The following KIF5C variants were observed in gnomAD, a reference collection of about 807,000 sequenced individuals.
The protein encoded by KIF5C is kinesin family member 5C, also known as kinesin heavy chain isoform 5C.
Under a neutral mutation model 125.2 loss-of-function variants are expected in KIF5C, and 18 were observed. The ratio of observed to expected loss-of-function variants is 0.14; its 90% CI spans 0.10 to 0.21. KIF5C has a LOEUF of 0.21. Ranked by LOEUF, KIF5C falls within the 10% of genes least tolerant of loss-of-function variation. The pLI is 1.00. For synonymous variants in KIF5C, 405 were observed against 434.0 expected (o/e 0.93, Z 0.83); for missense variants, 780 against 1,183.8 (o/e 0.66, Z 5.01).
At chr2:148,966,486 G>T (rs1683054327) in intron 11 of KIF5C, among the ~76,000 whole-genome samples, 2 of 152,066 alleles carry the variant, frequency 1.3e-5, no homozygotes, top group African/African-American at 4.8e-5. Flanking sequence ...CTGAAAAGAG[G>T]TAAGTTTGAT....
intron 1 of KIF5C, among the ~76,000 whole-genome samples, chr2:148,911,826 CA>C (rs1681349688): frequency 6.6e-6 from 1 of 152,086 alleles, no homozygotes; most frequent in Admixed American, 6.5e-5. Flanking sequence ...GATTGCTGGG[CA>C]AAAGCTGCTT....
chr2:148,925,501 G>A (rs1681954563), intron 2 of KIF5C, among the ~76,000 whole-genome samples: 1 of 152,178 alleles, frequency 6.6e-6, no homozygotes, highest in African/African-American at 2.4e-5. Context: ...TCTGAAGGGT[G>A]AGCATTATTT....
intron 17 of KIF5C, among the ~76,000 whole-genome samples, chr2:148,995,420 G>C (rs995086147): frequency 4.6e-5 from 7 of 152,214 alleles, no homozygotes; most frequent in Non-Finnish European, 8.8e-5. Context: ...TGAGCTTAGG[G>C]AAGTGCCTCG....
chr2:148,942,725 A>G lies in KIF5C; in HGVS notation c.554A>G (p.Asp185Gly). The change falls in exon 7 of 26, where the codon GAT becomes GGT. Residue 185 changes from aspartate (D) to glycine (G), a missense_variant. Physicochemically the swap from Asp to Gly is moderately conservative, Grantham distance 94 (BLOSUM62 -1). This residue lies in a region of KIF5C where 207 missense variants were observed against 441.2 expected (regional missense o/e 0.47). Transcript: ENST00000435030. ...SSPEEVMDVI[D>G]EGKANRHVAV... ...CCTGAGGAAGTCATGGATGTAATAG[A>G]TGAAGGCAAAGCAAACCGACACGTG... 1 of 1,611,492 alleles carries G rather than the reference A, an allele frequency of 6.2e-7. No individual in the cohort carries two copies. Among genetic ancestry groups the G allele is most frequent in the Non-Finnish European group, 8.5e-7 (1 of 1,179,070 alleles).
intron 13 of KIF5C, among the ~76,000 whole-genome samples, chr2:148,980,718 A>AT (rs1553468813): frequency 1.5e-5 from 2 of 137,126 alleles, no homozygotes; most frequent in African/African-American, 2.7e-5. Flanking sequence ...TTATTTATTT[A>AT]TTATTTAGAC....
intron 1 of KIF5C, among the ~76,000 whole-genome samples, chr2:148,917,412 G>C (rs548962657): frequency 2.6e-5 from 4 of 152,240 alleles, no homozygotes; most frequent in Non-Finnish European, 5.9e-5. Flanking sequence ...CTTGAAGTAA[G>C]GGCCTGGCAG....
Position 149,011,582 on chromosome 2 carries a change from G to A in KIF5C, c.2780G>A (p.Arg927His), listed in dbSNP as rs772057456. The stretch of plus-strand genomic sequence containing the variant: ...TGGTTGGATACAGCCAAGCCCATCC[G>A]CCCCGGACACTACCCGGCCTCATCT... ...AHSAQIAKPIRPGHYPASSPT... is the reference protein window; with the variant it reads ...AHSAQIAKPIHPGHYPASSPT... The change falls in exon 25 of 26, where the codon CGC becomes CAC. Residue 927 changes from arginine (R) to histidine (H), a missense_variant. Arg to His is a conservative substitution (Grantham distance 29, BLOSUM62 0). Coordinates refer to ENST00000435030, the MANE Select transcript of KIF5C (RefSeq NM_004522.3). 5.6e-6 allele frequency: 9 copies of A among 1,613,892 alleles called. No individual in the cohort carries two copies. The highest frequency in any genetic ancestry group is 1.3e-5 in the African/African-American group (1 of 74,916).
At chr2:148,910,696 C>T (rs944916868) in intron 1 of KIF5C, among the ~76,000 whole-genome samples, 8 of 152,122 alleles carry the variant, frequency 5.3e-5, no homozygotes, top group Non-Finnish European at 1.0e-4. Context: ...GATCATATAC[C>T]ATAGAGCATC....
At chr2:148,994,332 C>G in intron 16 of KIF5C, 89 bp from the exon 17 acceptor site, 1 of 1,492,896 alleles carries the variant, frequency 6.7e-7, no homozygotes, top group Non-Finnish European at 9.0e-7. Context: ...AGGAACCCCT[C>G]CTCTCTCGCA....
intron 1 of KIF5C, among the ~76,000 whole-genome samples, chr2:148,905,428 G>A (rs1034599271): frequency 3.9e-5 from 6 of 152,168 alleles, no homozygotes; most frequent in African/African-American, 1.2e-4. Flanking sequence ...GGGTGATAAA[G>A]GGATGGCAAA....
chr2:148,875,709 C>T lies in KIF5C; in HGVS notation c.92C>T (p.Pro31Leu), dbSNP rs747945685. 11 of 1,602,652 alleles carry T rather than the reference C, an allele frequency of 6.9e-6. No homozygotes were observed. Among genetic ancestry groups the T allele is most frequent in the Admixed American group, 1.7e-5 (1 of 58,532 alleles). The stretch of plus-strand genomic sequence containing the variant: ...ATCCTCCGCGGGGACAAATTCATCC[C>T]CAAATTTAAAGGCGATGAGACCGTG... ...AEILRGDKFIPKFKGDETVVI... is the reference protein window; with the variant it reads ...AEILRGDKFILKFKGDETVVI... The change falls in exon 1 of 26, where the codon CCC becomes CTC. Residue 31 changes from proline to leucine, a missense_variant. By Grantham distance (98) the Pro-to-Leu change is moderately conservative. Transcript: ENST00000435030.
chr2:149,002,866 T>A (rs1444016375), intron 21 of KIF5C, among the ~76,000 whole-genome samples: 1 of 152,230 alleles, frequency 6.6e-6, no homozygotes, highest in African/African-American at 2.4e-5. Flanking sequence ...CATCAGCTCT[T>A]TTGCCTTTTT....
intron 19 of KIF5C, 178 bp from the exon 20 acceptor site, chr2:149,000,245 A>G: frequency 1.6e-6 from 1 of 615,562 alleles, no homozygotes; most frequent in Non-Finnish European, 2.6e-6. Context: ...CCCAGAAATT[A>G]GTTTTCACTT....
chr2:148,918,684 CT>C (rs1178003316), intron 1 of KIF5C, among the ~76,000 whole-genome samples: 1 of 152,192 alleles, frequency 6.6e-6, no homozygotes, highest in Non-Finnish European at 1.5e-5. Context: ...TGGGGCCACA[CT>C]GTAGTGAGAT....
intron 3 of KIF5C, 135 bp downstream of exon 3, chr2:148,929,489 C>G: frequency 3.3e-6 from 2 of 607,536 alleles, no homozygotes; most frequent in South Asian, 4.1e-5. Flanking sequence ...TTAATTATGT[C>G]TTTGAGAAGT....
At chr2:148,890,572 C>T (rs918235226) in intron 1 of KIF5C, among the ~76,000 whole-genome samples, 2 of 152,022 alleles carry the variant, frequency 1.3e-5, no homozygotes, top group Admixed American at 1.3e-4. Flanking sequence ...TTTGAGAGGC[C>T]TGAGTATAGA....
intron 11 of KIF5C, among the ~76,000 whole-genome samples, chr2:148,968,884 T>C (rs1680820788): frequency 6.6e-6 from 1 of 152,142 alleles, no homozygotes; most frequent in Admixed American, 6.5e-5. Flanking sequence ...TACCTACCAT[T>C]AGGTCTGCCA....
chr2:148,875,879 C>G lies in KIF5C; in HGVS notation c.126+136C>G, dbSNP rs557566263. 1.0e-4 allele frequency: 127 copies of G among 1,259,374 alleles called. 1 individual carries two copies. The East Asian group carries it at 3.5e-3, about 34-fold the overall frequency. The allele number at this position is 1,259,374 out of a possible 1,614,324, so 78.0% of individuals were successfully genotyped here. On this transcript the variant is annotated intron_variant, in intron 1 of 25. Transcript: ENST00000435030. ...GGCTGGCCTCTCGGGTGGACCTGAC[C>G]AGAGACCCCTCGCCCCGCGCACTAT...
rs1682583503 is a variant in KIF5C, at chr2:149,023,085, T to G, written c.*15T>G. ...TTGGTTCTCTTTCAACAGATATGAC[T>G]CCACGTAGCATGTCAAGGACTACAT... On this transcript the variant is annotated 3_prime_UTR_variant, in exon 26 of 26. Coordinates refer to ENST00000435030, the MANE Select transcript of KIF5C (RefSeq NM_004522.3). The G allele has an allele frequency of 6.6e-6, 1 of 152,334 alleles. No individual in the cohort carries two copies. Among genetic ancestry groups the G allele is most frequent in the East Asian group, 1.9e-4 (1 of 5,184 alleles). The allele number at this position is 152,334 out of a possible 1,614,324, so 9.4% of individuals were successfully genotyped here.
Sources: allele counts gnomAD v4.1 joint callset (sites outside exome capture counted in the v4.1 genomes callset), GRCh38; gene constraint gnomAD v4.1.1; regional missense constraint gnomAD v4.1.1; transcripts MANE v1.5; gene names NCBI Gene and HGNC (gene_info 2026-07-23, HGNC 2026-07-21).